Variants in DCDC1 observed in about 807,000 individuals in gnomAD.
DCDC1 encodes the protein doublecortin domain-containing protein 1.
DCDC1 carries 200 observed loss-of-function variants against 178.3 expected under a neutral mutation model. That is an observed-to-expected ratio of 1.12 (90% CI 1.00 to 1.26). The LOEUF (loss-of-function observed/expected upper bound fraction) is 1.26, where lower values mean the gene tolerates loss of function less well. Ranked by LOEUF, DCDC1 falls within the 50% of genes most tolerant of loss-of-function variation. The pLI is 0.00. For missense variants in DCDC1, 1,983 were observed against 1,749.2 expected, an observed-to-expected ratio of 1.13 and a Z score of -2.38; for synonymous variants, 690 against 604.8, an observed-to-expected ratio of 1.14 and a Z score of -2.07.
chr11:31,297,515 T>C (rs374128718), intron 6 of DCDC1, among the ~76,000 whole-genome samples: 2 of 152,078 alleles, frequency 1.3e-5, no homozygotes, highest in East Asian at 3.9e-4. Flanking sequence ...CTGGCTAATT[T>C]TTTATATTTT....
intron 9 of DCDC1, among the ~76,000 whole-genome samples, chr11:31,177,039 T>C (rs1272249059): frequency 6.6e-6 from 1 of 152,148 alleles, no homozygotes; most frequent in Non-Finnish European, 1.5e-5. Flanking sequence ...GTAAGTCTCC[T>C]AATCACCTAG....
At chr11:31,274,578 T>C (rs575385013) in intron 7 of DCDC1, among the ~76,000 whole-genome samples, 1 of 152,086 alleles carries the variant, frequency 6.6e-6, no homozygotes, top group East Asian at 1.9e-4. Flanking sequence ...AAGCAGGATG[T>C]ATTCCAGGAA....
intron 9 of DCDC1, among the ~76,000 whole-genome samples, chr11:31,210,629 T>C (rs1336673961): frequency 2.0e-5 from 3 of 149,706 alleles, no homozygotes; most frequent in Non-Finnish European, 4.4e-5. Flanking sequence ...GAGAATCACT[T>C]GAACCCGGGA....
intron 9 of DCDC1, among the ~76,000 whole-genome samples, chr11:31,205,952 A>C (rs2554050): frequency 1.3e-5 from 2 of 152,116 alleles, no homozygotes; most frequent in Non-Finnish European, 2.9e-5. Context: ...ATAAATATCT[A>C]TACCTACTAT....
At chr11:30,997,211 T>C (rs1349526035) in intron 20 of DCDC1, among the ~76,000 whole-genome samples, 1 of 152,170 alleles carries the variant, frequency 6.6e-6, no homozygotes, top group Non-Finnish European at 1.5e-5. Flanking sequence ...AAAGGCAACA[T>C]GCAAGGAAAT....
intron 6 of DCDC1, among the ~76,000 whole-genome samples, chr11:31,298,437 C>T (rs921560551): frequency 3.9e-5 from 6 of 152,086 alleles, no homozygotes; most frequent in African/African-American, 1.4e-4. Flanking sequence ...GGTGACTGGA[C>T]TCTAGTGAGG....
chr11:31,341,812 TACACACACACAC>T (rs34730979), intron 1 of DCDC1, among the ~76,000 whole-genome samples: 1 of 144,468 alleles, frequency 6.9e-6, no homozygotes, highest in Non-Finnish European at 1.5e-5. Flanking sequence ...TGCATGACTA[TACACACACACAC>T]ACACACACAC....
chr11:30,900,390 A>G lies in DCDC1; in HGVS notation c.4619T>C (p.Ile1540Thr). The change falls in exon 33 of 39, where the codon ATT becomes ACT. Residue 1540 changes from isoleucine to threonine, a missense_variant. By Grantham distance (89) the Ile-to-Thr change is moderately conservative (BLOSUM62 -1). Coordinates refer to ENST00000684477, the MANE Select transcript of DCDC1 (RefSeq NM_001387274.1). ...TTCACCACAAGACACCCAGATGGCA[A>G]TAGGATTTCTGAGGATGAGGGTAAG... ...SLLTLILRNP[I>T]AIWVSCGEPF... is the part of the protein sequence containing the mutation. 1 of 1,579,202 alleles carries G rather than the reference A, an allele frequency of 6.3e-7. No individual in the cohort carries two copies. Among genetic ancestry groups the G allele is most frequent in the Non-Finnish European group, 8.6e-7 (1 of 1,161,960 alleles).
chr11:31,229,423 G>A (rs1975466991), intron 9 of DCDC1, among the ~76,000 whole-genome samples: 1 of 152,060 alleles, frequency 6.6e-6, no homozygotes, highest in South Asian at 2.1e-4. Flanking sequence ...AATACTACAT[G>A]AACAAGTAAT....
intron 3 of DCDC1, among the ~76,000 whole-genome samples, chr11:31,309,186 A>C (rs1270270931): frequency 7.2e-6 from 1 of 138,328 alleles, no homozygotes; most frequent in African/African-American, 2.6e-5. Flanking sequence ...GAGCTCACAC[A>C]GTGGACCCAG....
At chr11:30,994,392 A>G (rs1387301578) in intron 20 of DCDC1, among the ~76,000 whole-genome samples, 1 of 151,796 alleles carries the variant, frequency 6.6e-6, no homozygotes, top group Non-Finnish European at 1.5e-5. Context: ...CCCAGGTTCA[A>G]GTATTTCTCA....
intron 9 of DCDC1, among the ~76,000 whole-genome samples, chr11:31,152,729 G>A (rs916921257): frequency 6.6e-6 from 1 of 152,090 alleles, no homozygotes; most frequent in African/African-American, 2.4e-5. Flanking sequence ...TGCACCTGTG[G>A]CCATCCAAGA....
chr11:31,068,582 G>T (rs1309698049), intron 18 of DCDC1, among the ~76,000 whole-genome samples: 5 of 152,128 alleles, frequency 3.3e-5, no homozygotes, highest in African/African-American at 4.8e-5. Context: ...GTGGGTATGT[G>T]TCTCTAATCA....
intron 10 of DCDC1, among the ~76,000 whole-genome samples, chr11:31,132,907 C>A (rs987647542): frequency 6.6e-6 from 1 of 152,138 alleles, no homozygotes; most frequent in Non-Finnish European, 1.5e-5. Flanking sequence ...AGAAAACAAA[C>A]CCAAACTTCT....
chr11:31,130,617 T>C (rs778360109), intron 10 of DCDC1, among the ~76,000 whole-genome samples: 2 of 152,352 alleles, frequency 1.3e-5, no homozygotes, highest in South Asian at 2.1e-4. Context: ...CCTTGACTTA[T>C]ACAGCACAAT....
rs796105221 is a variant in DCDC1 at position 30,876,931 on chromosome 11, T to TA, written c.*40+1612dup. ...CCCTTCTTGTTTTGACTTTCTTGCTTAAAAAAAAAAAGAAAAGGCAAAACA... is the reference window on the plus strand; with the variant it reads ...CCCTTCTTGTTTTGACTTTCTTGCTTAAAAAAAAAAAAGAAAAGGCAAAACA... On this transcript the variant is annotated intron_variant, in intron 38 of 38. Coordinates refer to ENST00000684477, the MANE Select transcript of DCDC1 (RefSeq NM_001387274.1). Among the ~76,000 whole-genome samples, 965 of 145,666 alleles carry TA rather than the reference T, an allele frequency of 6.6e-3. 13 individuals carry two copies. The highest frequency in any genetic ancestry group is 0.022 in the African/African-American group (890 of 39,884).
intron 1 of DCDC1, among the ~76,000 whole-genome samples, chr11:31,338,526 A>C (rs1950382785): frequency 6.6e-6 from 1 of 152,178 alleles, no homozygotes; most frequent in Non-Finnish European, 1.5e-5. Flanking sequence ...TGTGGAGTAA[A>C]CTGTTAGATG....
At chr11:31,222,104 C>T (rs1033780666) in intron 9 of DCDC1, among the ~76,000 whole-genome samples, 1 of 152,066 alleles carries the variant, frequency 6.6e-6, no homozygotes, top group Non-Finnish European at 1.5e-5. Context: ...ACTCTGTCAC[C>T]CAGGCTTGGG....
At chr11:30,953,306 A>G (rs1948544579) in intron 20 of DCDC1, among the ~76,000 whole-genome samples, 1 of 148,644 alleles carries the variant, frequency 6.7e-6, no homozygotes, top group South Asian at 2.1e-4. Flanking sequence ...CATAAGCATT[A>G]TATTAATTAT....
Sources: allele counts gnomAD v4.1 joint callset (sites outside exome capture counted in the v4.1 genomes callset), GRCh38; gene constraint gnomAD v4.1.1; transcripts MANE v1.5; gene names NCBI Gene and HGNC (gene_info 2026-07-23, HGNC 2026-07-21).